NRG1: variants seen among roughly 807,000 people sequenced by gnomAD.
The protein encoded by NRG1 is neuregulin 1.
A neutral mutation model predicts 63.8 loss-of-function variants in NRG1; 18 were observed. The observed-to-expected ratio is 0.28, with a 90% CI of 0.19 to 0.42. The LOEUF is 0.42. Ranked by LOEUF, NRG1 falls within the 10% of genes least tolerant of loss-of-function variation. NRG1 has a pLI of 1.00. For synonymous variants in NRG1, 302 were observed against 301.3 expected, an observed-to-expected ratio of 1.00 and a Z score of -0.02; for missense variants, 762 against 814.7, an observed-to-expected ratio of 0.94 and a Z score of 0.79.
intron 11 of NRG1, among the ~76,000 whole-genome samples, chr8:32,761,834 A>G (rs1197576505): frequency 6.6e-6 from 1 of 151,440 alleles, no homozygotes; most frequent in African/African-American, 2.4e-5. Flanking sequence ...AGGTCAGGAG[A>G]TCAAGACCAT....
intron 1 of NRG1, among the ~76,000 whole-genome samples, chr8:31,775,626 G>A (rs1029880730): frequency 1.1e-4 from 16 of 152,040 alleles, no homozygotes; most frequent in African/African-American, 2.9e-4. Context: ...GGTGGCTCAC[G>A]CCTGTAATCC....
intron 1 of NRG1, among the ~76,000 whole-genome samples, chr8:32,308,121 G>A (rs1242062467): frequency 6.6e-6 from 1 of 152,046 alleles, no homozygotes; most frequent in Non-Finnish European, 1.5e-5. Flanking sequence ...TTAACCTTGG[G>A]TTTGACTTTT....
intron 1 of NRG1, among the ~76,000 whole-genome samples, chr8:32,057,891 G>T (rs1413449727): frequency 1.3e-5 from 2 of 151,994 alleles, no homozygotes; most frequent in Non-Finnish European, 2.9e-5. Flanking sequence ...TTACACCTTT[G>T]TAGTGTTTTT....
At chr8:32,319,961 G>A (rs751477785) in intron 1 of NRG1, among the ~76,000 whole-genome samples, 21 of 152,058 alleles carry the variant, frequency 1.4e-4, no homozygotes, top group Non-Finnish European at 2.6e-4. Context: ...AATATAGTGC[G>A]TGACCTTAGC....
chr8:31,858,456 TTC>T (rs1386040992), intron 1 of NRG1, among the ~76,000 whole-genome samples: 5 of 152,186 alleles, frequency 3.3e-5, no homozygotes, highest in Non-Finnish European at 7.3e-5. Context: ...AAGGGTGGTT[TTC>T]TCTTATTCTG....
rs1462060032 is a variant in NRG1 at position 31,640,700 on chromosome 8, A to G, written c.37+1269A>G. The G allele has an allele frequency of 1.2e-6, 2 of 1,603,702 alleles. No individual in the cohort carries two copies. The highest frequency in any genetic ancestry group is 2.2e-5 in the South Asian group (2 of 89,836). On this transcript the variant is annotated intron_variant, in intron 1 of 10. Coordinates refer to the NRG1 transcript ENST00000519301. The surrounding 1 kb of genome is among the most constrained non-coding windows in gnomAD (Gnocchi z 6.3). Reference sequence around the variant, plus strand: ...GAGACGGGCCGGAACCTCAAGAAGGAGGTCAGCCGGGTGCTGTGCAAGCGG... The same window carrying G: ...GAGACGGGCCGGAACCTCAAGAAGGGGGTCAGCCGGGTGCTGTGCAAGCGG...
chr8:32,526,583 C>T (rs1830868139), intron 1 of NRG1, among the ~76,000 whole-genome samples: 1 of 152,146 alleles, frequency 6.6e-6, no homozygotes, highest in South Asian at 2.1e-4. Flanking sequence ...GTGATAAACA[C>T]ATGGGTCCAA....
chr8:32,203,251 A>T (rs1360660830), intron 1 of NRG1, among the ~76,000 whole-genome samples: 2 of 151,010 alleles, frequency 1.3e-5, no homozygotes, highest in Non-Finnish European at 3.0e-5. Flanking sequence ...TGAGACAATA[A>T]AACTGGCAAC....
chr8:32,395,265 A>C (rs1213943523), intron 1 of NRG1, among the ~76,000 whole-genome samples: 1 of 152,188 alleles, frequency 6.6e-6, no homozygotes, highest in Non-Finnish European at 1.5e-5. Context: ...AAGTGGTAGA[A>C]CCAGGACTGG....
intron 1 of NRG1, among the ~76,000 whole-genome samples, chr8:31,927,016 AT>A (rs201912773): frequency 7.9e-5 from 12 of 151,964 alleles, no homozygotes; most frequent in South Asian, 6.2e-4. Context: ...CATTTTTCTG[AT>A]TTTTTTTAGT....
At chr8:32,758,351 C>T (rs530461673) in intron 9 of NRG1, among the ~76,000 whole-genome samples, 5 of 151,870 alleles carry the variant, frequency 3.3e-5, no homozygotes, top group African/African-American at 4.8e-5. Context: ...CAGAGGTGGA[C>T]GGATCACCTG....
chr8:32,181,280 C>T (rs965034383), intron 1 of NRG1, among the ~76,000 whole-genome samples: 2 of 152,110 alleles, frequency 1.3e-5, no homozygotes, highest in African/African-American at 2.4e-5. Flanking sequence ...CCATCTCTTC[C>T]ATAGAACTTT....
At chr8:31,711,916 A>G (rs1477935905) in intron 1 of NRG1, among the ~76,000 whole-genome samples, 4 of 152,158 alleles carry the variant, frequency 2.6e-5, no homozygotes, top group African/African-American at 7.2e-5. Context: ...CTCTGCCCAC[A>G]TGACCTAATC....
intron 1 of NRG1, among the ~76,000 whole-genome samples, chr8:32,217,993 T>C (rs1586160968): frequency 6.6e-6 from 1 of 152,232 alleles, no homozygotes; most frequent in East Asian, 1.9e-4. Flanking sequence ...CCTGTGAGTG[T>C]TGAAGTCAGA....
intron 1 of NRG1, among the ~76,000 whole-genome samples, chr8:32,036,301 G>A (rs1486873863): frequency 6.6e-6 from 1 of 151,836 alleles, no homozygotes; most frequent in East Asian, 1.9e-4. Context: ...GAGGTCTGCT[G>A]TTAGTCTGAT....
At chr8:32,436,929 C>A (rs1243009686) in intron 1 of NRG1, among the ~76,000 whole-genome samples, 3 of 151,890 alleles carry the variant, frequency 2.0e-5, no homozygotes, top group Non-Finnish European at 4.4e-5. Flanking sequence ...TTTAAAAAAT[C>A]TCTGATGCAC....
At chr8:32,133,283 G>C (rs978679858) in intron 1 of NRG1, among the ~76,000 whole-genome samples, 11 of 152,028 alleles carry the variant, frequency 7.2e-5, no homozygotes, top group African/African-American at 2.7e-4. Context: ...AGGCAGGGTG[G>C]GTAGGGGATG....
intron 1 of NRG1, among the ~76,000 whole-genome samples, chr8:31,932,609 T>C (rs1428552079): frequency 6.6e-6 from 1 of 152,234 alleles, no homozygotes; most frequent in Non-Finnish European, 1.5e-5. Context: ...GTTCTGCTCA[T>C]CAAAAATGAG....
chr8:32,524,684 G>A (rs767144489), intron 1 of NRG1, among the ~76,000 whole-genome samples: 14 of 152,042 alleles, frequency 9.2e-5, no homozygotes, highest in East Asian at 3.9e-4. Context: ...CATGGAAACC[G>A]AATTTCCTAA....
Sources: allele counts gnomAD v4.1 joint callset (sites outside exome capture counted in the v4.1 genomes callset), GRCh38; gene constraint gnomAD v4.1.1; non-coding constraint Gnocchi (gnomAD v3.1); transcripts MANE v1.5; gene names NCBI Gene and HGNC (gene_info 2026-07-23, HGNC 2026-07-21).